Variants in NTNG1 observed in about 807,000 individuals in gnomAD.
NTNG1 encodes the protein netrin-G1.
In NTNG1, 16 loss-of-function variants were observed where a neutral mutation model predicts 54.0. That is an observed-to-expected ratio of 0.30 (90% CI 0.20 to 0.45). NTNG1 has a LOEUF of 0.45. Ranked by LOEUF, NTNG1 falls within the 20% of genes least tolerant of loss-of-function variation. NTNG1 has a pLI of 1.00. For missense variants in NTNG1, 530 were observed against 678.7 expected (o/e 0.78, Z 2.43); for synonymous variants, 255 against 263.1 (o/e 0.97, Z 0.30).
chr1:107,278,512 C>G (rs921779328), intron 2 of NTNG1, among the ~76,000 whole-genome samples: 1 of 152,116 alleles, frequency 6.6e-6, no homozygotes, highest in African/African-American at 2.4e-5. Flanking sequence ...AGACTAAGTG[C>G]TTATGATAAG....
At chr1:107,228,065 G>T (rs909863321) in intron 2 of NTNG1, among the ~76,000 whole-genome samples, 2 of 152,116 alleles carry the variant, frequency 1.3e-5, no homozygotes, top group African/African-American at 2.4e-5. Flanking sequence ...CAAGTACTAT[G>T]TAAGTATCAG....
At chr1:107,185,403 A>G (rs1657377763) in intron 2 of NTNG1, among the ~76,000 whole-genome samples, 1 of 151,904 alleles carries the variant, frequency 6.6e-6, no homozygotes, top group African/African-American at 2.4e-5. Flanking sequence ...CATCAGTCCA[A>G]TCTCTGCCTT....
At chr1:107,240,252 T>A (rs1322592751) in intron 2 of NTNG1, among the ~76,000 whole-genome samples, 8 of 152,012 alleles carry the variant, frequency 5.3e-5, no homozygotes. Flanking sequence ...GGGATGTTTA[T>A]CCCTTTTGAG....
At chr1:107,267,429 A>G (rs747555005) in intron 2 of NTNG1, among the ~76,000 whole-genome samples, 6 of 152,218 alleles carry the variant, frequency 3.9e-5, no homozygotes, top group Non-Finnish European at 8.8e-5. Context: ...GAGCTAATGC[A>G]AGAATCAATA....
At chr1:107,292,924 C>G (rs761641352) in intron 2 of NTNG1, among the ~76,000 whole-genome samples, 2 of 152,054 alleles carry the variant, frequency 1.3e-5, no homozygotes, top group Non-Finnish European at 2.9e-5. Flanking sequence ...TGCTCTAAAA[C>G]TTTTTAATAA....
chr1:107,251,117 A>G (rs2101618848), intron 2 of NTNG1, among the ~76,000 whole-genome samples: 1 of 152,308 alleles, frequency 6.6e-6, no homozygotes, highest in East Asian at 1.9e-4. Flanking sequence ...TCACTGGGAA[A>G]AGAATACGTT....
At chr1:107,422,892 G>A (rs1370047113) in intron 5 of NTNG1, among the ~76,000 whole-genome samples, 6 of 151,994 alleles carry the variant, frequency 3.9e-5, no homozygotes. Flanking sequence ...GTAATTATAG[G>A]CAACATGGGG....
At chr1:107,403,975 C>T (rs1373745734) in intron 4 of NTNG1, among the ~76,000 whole-genome samples, 1 of 151,618 alleles carries the variant, frequency 6.6e-6, no homozygotes, top group Admixed American at 6.6e-5. Flanking sequence ...TTTTAATTTA[C>T]CTGTCATCTC....
intron 2 of NTNG1, among the ~76,000 whole-genome samples, chr1:107,291,328 ATTCT>A (rs745579985): frequency 1.3e-5 from 2 of 152,116 alleles, no homozygotes; most frequent in Non-Finnish European, 2.9e-5. Context: ...TGTGTAACCA[ATTCT>A]TTATTTTATC....
In NTNG1 at chr1:107,218,730, A is replaced by G. The variant is rs192985041; in HGVS notation, c.246+69891A>G. ...TTTATGAGGCTTAGTTTTGCTGAAT[A>G]CAAAATTCTTGGCTGATAGTTGTTT... On this transcript the variant is annotated intron_variant, in intron 2 of 7. Coordinates refer to ENST00000370068, the MANE Select transcript of NTNG1 (RefSeq NM_001113226.3). Among the ~76,000 whole-genome samples the G allele has an allele frequency of 6.9e-4, 105 of 152,302 alleles. No homozygotes were observed. In the South Asian group the frequency reaches 0.013, roughly 19 times the overall value.
intron 3 of NTNG1, among the ~76,000 whole-genome samples, chr1:107,380,200 T>TC (rs1159576155): frequency 6.6e-6 from 1 of 152,214 alleles, no homozygotes; most frequent in Non-Finnish European, 1.5e-5. Flanking sequence ...CTCTTTTTTT[T>TC]CCATCAAATG....
At chr1:107,382,860 A>G (rs938375621) in intron 3 of NTNG1, among the ~76,000 whole-genome samples, 1 of 149,428 alleles carries the variant, frequency 6.7e-6, no homozygotes, top group Non-Finnish European at 1.5e-5. Flanking sequence ...GCCACCAAAT[A>G]AGAGGAAAAA....
chr1:107,272,616 C>A (rs534303972), intron 2 of NTNG1, among the ~76,000 whole-genome samples: 2 of 152,078 alleles, frequency 1.3e-5, no homozygotes, highest in African/African-American at 4.8e-5. Context: ...GTATAGAATA[C>A]CTGAAAACAC....
At chr1:107,280,758 A>AAAGAT (rs1460519281) in intron 2 of NTNG1, among the ~76,000 whole-genome samples, 227 of 152,206 alleles carry the variant, frequency 1.5e-3, no homozygotes, top group African/African-American at 5.3e-3. Flanking sequence ...CCTCAGGACC[A>AAAGAT]CAAATGCCAA....
intron 2 of NTNG1, among the ~76,000 whole-genome samples, chr1:107,172,086 A>G (rs1656288134): frequency 6.6e-6 from 1 of 152,268 alleles, no homozygotes; most frequent in East Asian, 1.9e-4. Flanking sequence ...CATGCTATTC[A>G]GATAACCACC....
chr1:107,423,862 G>A (rs1015609993), intron 5 of NTNG1, among the ~76,000 whole-genome samples: 6 of 152,166 alleles, frequency 3.9e-5, no homozygotes, highest in African/African-American at 1.4e-4. Context: ...GAATTCAAAC[G>A]ATGAAGGAAT....
chr1:107,354,844 C>G (rs895766736), intron 3 of NTNG1, among the ~76,000 whole-genome samples: 1 of 152,260 alleles, frequency 6.6e-6, no homozygotes, highest in East Asian at 1.9e-4. Context: ...CCAGGGAATG[C>G]CTATTGCCTG....
intron 2 of NTNG1, among the ~76,000 whole-genome samples, chr1:107,172,103 C>T (rs895498516): frequency 9.2e-5 from 14 of 152,090 alleles, no homozygotes; most frequent in African/African-American, 3.1e-4. Flanking sequence ...CACCTGACTA[C>T]GTATGCCAAG....
At position 107,313,538 on chromosome 1, in the gene NTNG1, G is replaced by A. The variant is rs927085656; in HGVS notation, c.247-10744G>A. Among the ~76,000 whole-genome samples, 3 of 152,090 alleles carry A rather than the reference G, an allele frequency of 2.0e-5. No homozygotes were observed. In the East Asian group the frequency reaches 5.8e-4, roughly 29 times the overall value. ...TAAGTGATAGTTGAAGCTGTAAATG[G>A]GAATTAACTCAATAAAGGACTTTAT... On this transcript the variant is annotated intron_variant, in intron 2 of 7. Transcript: ENST00000370068.
Sources: gnomAD v4.1 joint callset for allele counts (sites outside exome capture counted in the v4.1 genomes callset) on GRCh38, gnomAD v4.1.1 for gene constraint, MANE v1.5 for transcripts, NCBI Gene and HGNC (gene_info 2026-07-23, HGNC 2026-07-21) for gene names.